GABRG3: variants seen among roughly 807,000 people sequenced by gnomAD.
The protein encoded by GABRG3 is gamma-aminobutyric acid receptor subunit gamma-3.
A neutral mutation model predicts 48.8 loss-of-function variants in GABRG3; 25 were observed. That is an observed-to-expected ratio of 0.51 (90% CI 0.37 to 0.72). The LOEUF (loss-of-function observed/expected upper bound fraction) is 0.72, where lower values mean the gene tolerates loss of function less well. Ranked by LOEUF, GABRG3 falls within the 30% of genes least tolerant of loss-of-function variation. The pLI, the probability that GABRG3 is intolerant of heterozygous loss-of-function variation, is 0.00. For synonymous variants in GABRG3, 227 were observed against 217.6 expected, an observed-to-expected ratio of 1.04 and a Z score of -0.38; for missense variants, 394 against 577.9, an observed-to-expected ratio of 0.68 and a Z score of 3.26.
chr15:27,374,446 A>G (rs1014487167), intron 5 of GABRG3, among the ~76,000 whole-genome samples: 1 of 152,042 alleles, frequency 6.6e-6, no homozygotes, highest in Non-Finnish European at 1.5e-5. Flanking sequence ...CTATTGATAT[A>G]TTTCCAATTT....
intron 5 of GABRG3, among the ~76,000 whole-genome samples, chr15:27,460,225 G>A (rs1269886525): frequency 1.3e-5 from 2 of 152,042 alleles, no homozygotes; most frequent in Non-Finnish European, 2.9e-5. Flanking sequence ...AGCCTTTTTT[G>A]TGGTAAGTTG....
At chr15:27,026,483 A>G (rs1333645824) in intron 2 of GABRG3, among the ~76,000 whole-genome samples, 1 of 152,254 alleles carries the variant, frequency 6.6e-6, no homozygotes, top group Non-Finnish European at 1.5e-5. Flanking sequence ...ATAGTCTTCT[A>G]TGACTGGCAA....
chr15:27,307,411 A>T (rs550836362), intron 3 of GABRG3, among the ~76,000 whole-genome samples: 1 of 70,540 alleles, frequency 1.4e-5, no homozygotes, highest in African/African-American at 4.5e-5. Context: ...TTATATATTT[A>T]TATATAAACA....
intron 3 of GABRG3, among the ~76,000 whole-genome samples, chr15:27,182,558 G>A (rs894346794): frequency 1.3e-5 from 2 of 152,136 alleles, no homozygotes; most frequent in Admixed American, 6.5e-5. Flanking sequence ...CTGGGCTTCC[G>A]CTCCTGGTCT....
intron 3 of GABRG3, among the ~76,000 whole-genome samples, chr15:27,263,724 T>C (rs1890831052): frequency 6.6e-6 from 1 of 152,062 alleles, no homozygotes; most frequent in Admixed American, 6.6e-5. Context: ...TACTGCAGGC[T>C]GAGACAGTGC....
intron 3 of GABRG3, among the ~76,000 whole-genome samples, chr15:27,027,460 C>T (rs1221578717): frequency 6.6e-6 from 1 of 152,206 alleles, no homozygotes; most frequent in African/African-American, 2.4e-5. Context: ...GCCTGTGCTC[C>T]CTGCTGCACA....
chr15:27,476,132 A>T (rs955793141), intron 5 of GABRG3, among the ~76,000 whole-genome samples: 24 of 152,220 alleles, frequency 1.6e-4, no homozygotes, highest in African/African-American at 5.8e-4. Flanking sequence ...TTAGTCCAGG[A>T]AAGTCACTTA....
chr15:27,056,337 AGTGAGACC>A (rs1365945926), intron 3 of GABRG3, among the ~76,000 whole-genome samples: 1 of 141,564 alleles, frequency 7.1e-6, no homozygotes, highest in East Asian at 2.2e-4. Flanking sequence ...TGGTTGACAG[AGTGAGACC>A]CTGTCTCCAA....
At chr15:27,296,012 G>A (rs1039530129) in intron 3 of GABRG3, among the ~76,000 whole-genome samples, 2 of 152,212 alleles carry the variant, frequency 1.3e-5, no homozygotes, top group Admixed American at 1.3e-4. Context: ...TTGTGGCAGG[G>A]GTCAGTGGGG....
intron 3 of GABRG3, among the ~76,000 whole-genome samples, chr15:27,068,822 T>A (rs1429506397): frequency 6.6e-6 from 1 of 152,188 alleles, no homozygotes; most frequent in East Asian, 1.9e-4. Context: ...AACATTTACC[T>A]GGGAACTGCA....
At chr15:27,306,085 A>G (rs539048943) in intron 3 of GABRG3, among the ~76,000 whole-genome samples, 10 of 114,508 alleles carry the variant, frequency 8.7e-5, no homozygotes, top group African/African-American at 3.4e-4. Flanking sequence ...CATATAATAT[A>G]AACCTATATG....
At chr15:27,073,364 G>A (rs1035230988) in intron 3 of GABRG3, among the ~76,000 whole-genome samples, 1 of 152,224 alleles carries the variant, frequency 6.6e-6, no homozygotes, top group Admixed American at 6.5e-5. Context: ...TCAGCAGCAT[G>A]CCTCAGGGGT....
intron 3 of GABRG3, among the ~76,000 whole-genome samples, chr15:27,193,992 T>C (rs969469967): frequency 1.3e-5 from 2 of 152,266 alleles, no homozygotes; most frequent in Non-Finnish European, 2.9e-5. Flanking sequence ...TGTTTCTTTT[T>C]ACTTGTTTTC....
chr15:27,486,387 T>C (rs1890220250), intron 6 of GABRG3, among the ~76,000 whole-genome samples: 1 of 152,250 alleles, frequency 6.6e-6, no homozygotes, highest in Non-Finnish European at 1.5e-5. Flanking sequence ...CATGGCTTGA[T>C]GTGGACATCT....
At position 27,003,842 on chromosome 15, in the gene GABRG3, G is replaced by A. The variant is rs1264584593; in HGVS notation, c.203-22912G>A. Among the ~76,000 whole-genome samples, 6 of 147,484 alleles carry A rather than the reference G, an allele frequency of 4.1e-5. No individual in the cohort carries two copies. In the East Asian group the frequency reaches 8.7e-4, roughly 21 times the overall value. ...CACCTCCAGGACGGGGTGGCTGGCC[G>A]GGCGGGGGGGGCTGACCCCCCCACC... On this transcript the variant is annotated intron_variant, in intron 2 of 9. Transcript: ENST00000615808.
chr15:27,243,660 C>T (rs1847435353), intron 3 of GABRG3, among the ~76,000 whole-genome samples: 2 of 152,144 alleles, frequency 1.3e-5, no homozygotes, highest in Admixed American at 6.5e-5. Context: ...TTGCTGCAAA[C>T]GTTGTTGCTC....
In GABRG3 at chr15:27,319,553, G is replaced by A. The variant is rs1410398563; in HGVS notation, c.271-7256G>A. Among the ~76,000 whole-genome samples the A allele has an allele frequency of 6.6e-6, 1 of 152,170 alleles. No individual in the cohort carries two copies. Among genetic ancestry groups the A allele is most frequent in the Non-Finnish European group, 1.5e-5 (1 of 68,032 alleles). On this transcript the variant is annotated intron_variant, in intron 3 of 9. Coordinates refer to ENST00000615808, the MANE Select transcript of GABRG3 (RefSeq NM_033223.5). The surrounding 1 kb of genome is among the most constrained non-coding windows in gnomAD (Gnocchi z 4.4). ...GAGAAAAAATAGTGAGTAATACCAT[G>A]AGGAGGGGCAGGCTGTTGGCAAATA...
intron 3 of GABRG3, among the ~76,000 whole-genome samples, chr15:27,146,578 A>G (rs1010675765): frequency 1.3e-5 from 2 of 152,302 alleles, no homozygotes; most frequent in South Asian, 4.1e-4. Context: ...GCAGCTGCAT[A>G]AAGCAACAAT....
rs1157722239 is a variant in GABRG3 at position 27,536,976 on chromosome 15, C to T, written c.*4095C>T. On this transcript the variant is annotated 3_prime_UTR_variant, in exon 10 of 10. Transcript: ENST00000615808. ...AGACTTGAAGAATTACACCTGGTCT[C>T]CAACCATTATTCTTATCACCGTATC... 6.6e-6 allele frequency: 1 copy of T among 152,136 alleles called. No homozygotes were observed. The highest frequency in any genetic ancestry group is 1.9e-4 in the East Asian group (1 of 5,182). 9.4% of individuals were successfully genotyped at this position (152,136 alleles called of 1,614,324 possible).
Sources: gnomAD v4.1 joint callset for allele counts (sites outside exome capture counted in the v4.1 genomes callset) on GRCh38, gnomAD v4.1.1 for gene constraint, Gnocchi (gnomAD v3.1) non-coding constraint, MANE v1.5 for transcripts, NCBI Gene and HGNC (gene_info 2026-07-23, HGNC 2026-07-21) for gene names.